The following KCNH8 variants were observed in gnomAD, a reference collection of about 807,000 sequenced individuals.
KCNH8 encodes voltage-gated delayed rectifier potassium channel KCNH8.
Under a neutral mutation model 103.6 loss-of-function variants are expected in KCNH8, and 70 were observed. The ratio of observed to expected loss-of-function variants is 0.68; its 90% CI spans 0.56 to 0.82. The LOEUF (loss-of-function observed/expected upper bound fraction) is 0.82. Among genes scored for constraint, KCNH8 ranks in the 40% least tolerant of loss-of-function variants. The pLI, the probability that KCNH8 is intolerant of heterozygous loss-of-function variation, is 0.00. For synonymous variants in KCNH8, 498 were observed against 489.4 expected, an observed-to-expected ratio of 1.02 and a Z score of -0.23; for missense variants, 1,217 against 1,329.9, an observed-to-expected ratio of 0.92 and a Z score of 1.32.
chr3:19,219,088 A>G (rs2063845512), intron 1 of KCNH8, among the ~76,000 whole-genome samples: 1 of 151,758 alleles, frequency 6.6e-6, no homozygotes, highest in African/African-American at 2.4e-5. Context: ...CAGCCATACT[A>G]CCCTCTTTGA....
chr3:19,489,995 G>GT (rs2068284657), intron 11 of KCNH8, among the ~76,000 whole-genome samples: 1 of 152,218 alleles, frequency 6.6e-6, no homozygotes. Flanking sequence ...CCAAGTGCCA[G>GT]TTCCTTCCCG....
At chr3:19,324,269 C>T (rs920494045) in intron 3 of KCNH8, among the ~76,000 whole-genome samples, 3 of 152,118 alleles carry the variant, frequency 2.0e-5, no homozygotes, top group Admixed American at 6.6e-5. Flanking sequence ...AATTGACTCA[C>T]AGTTCCACAT....
intron 6 of KCNH8, among the ~76,000 whole-genome samples, chr3:19,394,183 G>T (rs1244372831): frequency 2.0e-5 from 3 of 152,050 alleles, no homozygotes; most frequent in African/African-American, 7.2e-5. Flanking sequence ...GTGACATCAA[G>T]AAGTTTGTCA....
intron 1 of KCNH8, among the ~76,000 whole-genome samples, chr3:19,206,224 A>T (rs973022590): frequency 4.1e-5 from 6 of 147,110 alleles, no homozygotes; most frequent in Non-Finnish European, 7.5e-5. Context: ...TACCACAGTT[A>T]TATATATATA....
chr3:19,434,130 TCAAAA>T (rs760404791), intron 7 of KCNH8, among the ~76,000 whole-genome samples: 2 of 152,138 alleles, frequency 1.3e-5, no homozygotes, highest in East Asian at 1.9e-4. Context: ...TAAACTTATC[TCAAAA>T]CAAAAAGTGT....
intron 7 of KCNH8, among the ~76,000 whole-genome samples, chr3:19,430,768 C>T (rs1163526820): frequency 2.0e-5 from 3 of 151,882 alleles, no homozygotes; most frequent in Non-Finnish European, 4.4e-5. Flanking sequence ...AGTTTGCTTG[C>T]GATTTGACTC....
At chr3:19,462,589 GT>G (rs1221164805) in intron 11 of KCNH8, among the ~76,000 whole-genome samples, 1 of 152,160 alleles carries the variant, frequency 6.6e-6, no homozygotes, top group Non-Finnish European at 1.5e-5. Context: ...CATTCTGTAG[GT>G]TGCCTGTTCA....
chr3:19,432,027 A>ACTT (rs34655835), intron 7 of KCNH8, among the ~76,000 whole-genome samples: 114,540 of 151,584 alleles, frequency 0.76, 44,316 homozygotes, highest in African/African-American at 0.93. Context: ...TTATTTTTTA[A>ACTT]CTGCTAGTTT....
chr3:19,206,212 C>CATACGACAGTTATATATATATATAT (rs1559422294), intron 1 of KCNH8, among the ~76,000 whole-genome samples: 1 of 134,010 alleles, frequency 7.5e-6, no homozygotes, highest in African/African-American at 3.6e-5. Context: ...TGTATATATA[C>CATACGACAGTTATATATATATATAT]ATACCACAGT....
intron 7 of KCNH8, among the ~76,000 whole-genome samples, chr3:19,418,515 C>G (rs935801413): frequency 6.6e-6 from 1 of 152,154 alleles, no homozygotes; most frequent in Non-Finnish European, 1.5e-5. Flanking sequence ...TTGGCAAATA[C>G]TTCAGAACTT....
rs758227791 is a variant in KCNH8, at chr3:19,513,184, C to A, written c.2294C>A (p.Ser765Ter). 6.2e-7 allele frequency: 1 copy of A among 1,613,810 alleles called. No homozygotes were observed. The highest frequency in any genetic ancestry group is 1.3e-5 in the African/African-American group (1 of 74,908). ...QLASGTVPFH[S>*]PIRVSRSNSP... is the part of the protein sequence containing the mutation. ...GCCTCGGGAACGGTGCCCTTTCACT[C>A]GCCTATCAGAGTCTCCAGGTCAAAT... Residue 765 changes from serine to a stop codon, truncating the protein, a stop_gained, in exon 13 of 16, where the codon TCG (serine) becomes TAG (stop). Coordinates refer to ENST00000328405, the MANE Select transcript of KCNH8 (RefSeq NM_144633.3). LOFTEE classifies it high-confidence loss of function.
At chr3:19,253,320 T>C (rs1364989686) in intron 1 of KCNH8, among the ~76,000 whole-genome samples, 3 of 151,996 alleles carry the variant, frequency 2.0e-5, no homozygotes, top group African/African-American at 7.3e-5. Context: ...CACCTATACA[T>C]TACATGGCAG....
At position 19,171,576 on chromosome 3, in the gene KCNH8, A is replaced by G. The variant is rs377345120; in HGVS notation, c.76+22781A>G. Among the ~76,000 whole-genome samples, 328 of 152,298 alleles carry G rather than the reference A, an allele frequency of 2.2e-3. 3 individuals carry two copies. The South Asian group carries it at 0.023, about 11-fold the overall frequency. On this transcript the variant is annotated intron_variant, in intron 1 of 15. Transcript: ENST00000328405. ...TATTCATTAGCTCGACTCTATAAAT[A>G]AGTTAGCCTATCAAGACCAAGATGC...
chr3:19,509,948 G>C (rs533045528), intron 11 of KCNH8, among the ~76,000 whole-genome samples: 11 of 151,678 alleles, frequency 7.3e-5, no homozygotes, highest in African/African-American at 2.7e-4. Flanking sequence ...GAAAAATCGA[G>C]GAAGATGAGC....
intron 3 of KCNH8, among the ~76,000 whole-genome samples, chr3:19,293,640 C>T (rs1050432579): frequency 2.6e-5 from 4 of 152,200 alleles, no homozygotes; most frequent in Non-Finnish European, 5.9e-5. Flanking sequence ...TCATCTTCAG[C>T]GATTCCGTTA....
chr3:19,227,649 A>G (rs1221454703), intron 1 of KCNH8, among the ~76,000 whole-genome samples: 1 of 152,240 alleles, frequency 6.6e-6, no homozygotes, highest in Non-Finnish European at 1.5e-5. Context: ...TTTAATGTAA[A>G]ACAAAAGTAA....
intron 5 of KCNH8, among the ~76,000 whole-genome samples, chr3:19,372,059 T>G (rs1373022856): frequency 6.6e-6 from 1 of 152,226 alleles, no homozygotes; most frequent in Non-Finnish European, 1.5e-5. Flanking sequence ...GCCTCCAGGT[T>G]TGTTCTTTTG....
At chr3:19,288,181 CTTTTTTTTTTTTTTT>C (rs767659898) in intron 3 of KCNH8, among the ~76,000 whole-genome samples, 3 of 38,162 alleles carry the variant, frequency 7.9e-5, no homozygotes, top group East Asian at 1.1e-3. Flanking sequence ...TATCAAACTT[CTTTTTTTTTTTTTTT>C]TTTTTTTTTT....
intron 1 of KCNH8, among the ~76,000 whole-genome samples, chr3:19,207,476 G>A (rs1280839019): frequency 6.6e-6 from 1 of 151,790 alleles, no homozygotes; most frequent in African/African-American, 2.4e-5. Context: ...AAAATAAAGT[G>A]GATCTGTGGG....
Sources: gnomAD v4.1 joint callset for allele counts (sites outside exome capture counted in the v4.1 genomes callset) on GRCh38, gnomAD v4.1.1 for gene constraint, MANE v1.5 for transcripts, NCBI Gene and HGNC (gene_info 2026-07-23, HGNC 2026-07-21) for gene names.